The following UBAP2 variants were observed in gnomAD, a reference collection of about 807,000 sequenced individuals.
UBAP2 encodes the protein ubiquitin associated protein 2.
Under a neutral mutation model 139.6 loss-of-function variants are expected in UBAP2, and 75 were observed. The observed-to-expected ratio is 0.54, with a 90% CI of 0.45 to 0.65. UBAP2 has a LOEUF of 0.65. Ranked by LOEUF, UBAP2 falls within the 30% of genes least tolerant of loss-of-function variation. The pLI, the probability that UBAP2 is intolerant of heterozygous loss-of-function variation, is 0.00. For synonymous variants in UBAP2, 526 were observed against 526.2 expected (o/e 1.00, Z 0.01); for missense variants, 1,368 against 1,369.6 (o/e 1.00, Z 0.02).
intron 7 of UBAP2, among the ~76,000 whole-genome samples, chr9:33,971,981 AT>A (rs1182769177): frequency 6.6e-6 from 1 of 152,236 alleles, no homozygotes; most frequent in Non-Finnish European, 1.5e-5. Flanking sequence ...TTCTGGTATA[AT>A]AGCCTTATTT....
rs529434363 is a variant in UBAP2 at position 34,003,646 on chromosome 9, A to T, written c.100-4782T>A. On this transcript the variant is annotated intron_variant, in intron 2 of 28. Transcript: ENST00000379238. ...GGTCTTGAACTCCTGACCTTAAATG[A>T]CCCTCCTGCCTTGCCCTCCCAAAGT... Among the ~76,000 whole-genome samples, 9 of 151,674 alleles carry T rather than the reference A, an allele frequency of 5.9e-5. No individual in the cohort carries two copies. In the South Asian group the frequency reaches 1.9e-3, roughly 32 times the overall value.
At position 33,996,264 on chromosome 9, in the gene UBAP2, T is replaced by C. The variant is rs1215795503; in HGVS notation, c.247A>G (p.Asn83Asp). The C allele has an allele frequency of 6.2e-7, 1 of 1,613,744 alleles. No homozygotes were observed. The highest frequency in any genetic ancestry group is 8.5e-7 in the Non-Finnish European group (1 of 1,179,910). ...VALHDCNGDV[N>D]KAINILLEGN... ...TCCAGCAATATATTGATAGCTTTGT[T>C]CACATCTCCATTACAATCATGTAGG... Residue 83 changes from asparagine (N) to aspartate (D), a missense_variant, in exon 4 of 29, where the codon AAC becomes GAC. Coordinates refer to ENST00000379238, the MANE Select transcript of UBAP2 (RefSeq NM_001370062.2).
intron 1 of UBAP2, among the ~76,000 whole-genome samples, chr9:34,032,279 G>T (rs1020829213): frequency 1.3e-5 from 2 of 152,158 alleles, no homozygotes; most frequent in East Asian, 3.8e-4. Flanking sequence ...AAGGATGAAA[G>T]TAAGAACAAA....
chr9:33,962,329 C>G (rs1827110340), intron 9 of UBAP2, among the ~76,000 whole-genome samples: 1 of 152,104 alleles, frequency 6.6e-6, no homozygotes, highest in Non-Finnish European at 1.5e-5. Flanking sequence ...AATGGCCTAC[C>G]ATGGCAATTC....
In UBAP2 at chr9:34,000,750, C is replaced by CA. The variant is rs1489521477; in HGVS notation, c.100-1887dup. Among the ~76,000 whole-genome samples the CA allele has an allele frequency of 7.2e-5, 11 of 152,186 alleles. 1 individual carries two copies. Among genetic ancestry groups the CA allele is most frequent in the Non-Finnish European group, 4.4e-5 (3 of 68,028 alleles). On this transcript the variant is annotated intron_variant, in intron 2 of 28. Coordinates refer to ENST00000379238, the MANE Select transcript of UBAP2 (RefSeq NM_001370062.2). The stretch of plus-strand genomic sequence containing the variant: ...AAGTGGGATAAGTGGGAGTTGTTGA[C>CA]ATTTTTTGCATTTTAAAGCACTTTT...
intron 15 of UBAP2, among the ~76,000 whole-genome samples, chr9:33,942,727 C>CAAAAAAAA (rs544848249): frequency 2.4e-4 from 32 of 134,912 alleles, no homozygotes; most frequent in Non-Finnish European, 3.7e-4. Flanking sequence ...GACCCTATCT[C>CAAAAAAAA]AAAAAAAAAA....
intron 1 of UBAP2, among the ~76,000 whole-genome samples, chr9:34,047,875 G>C (rs1379145677): frequency 6.6e-6 from 1 of 152,220 alleles, no homozygotes; most frequent in Admixed American, 6.6e-5. Flanking sequence ...GCTGTAGAAA[G>C]ACAATAAGCC....
At chr9:33,990,637 A>AT (rs35851905) in intron 4 of UBAP2, among the ~76,000 whole-genome samples, 22,307 of 132,368 alleles carry the variant, frequency 0.17, 2,243 homozygotes, top group South Asian at 0.34. Flanking sequence ...GTACCCCCCA[A>AT]TTTTTTTTTT....
At chr9:33,998,383 G>A (rs1003469878) in intron 3 of UBAP2, 1 of 162,442 alleles carries the variant, frequency 6.2e-6, no homozygotes, top group African/African-American at 2.4e-5. Context: ...GGGCAACAGA[G>A]TGAGACCACG....
chr9:34,009,492 TCAAA>T (rs1221260681), intron 2 of UBAP2, among the ~76,000 whole-genome samples: 2 of 152,180 alleles, frequency 1.3e-5, no homozygotes, highest in African/African-American at 4.8e-5. Flanking sequence ...ACTCCAGAGC[TCAAA>T]CAATCCTCCC....
At chr9:33,962,734 C>T (rs1827164436) in intron 9 of UBAP2, among the ~76,000 whole-genome samples, 1 of 151,172 alleles carries the variant, frequency 6.6e-6, no homozygotes, top group Non-Finnish European at 1.5e-5. Context: ...TGCAGCATTT[C>T]GGGAGGCAGA....
intron 11 of UBAP2, among the ~76,000 whole-genome samples, chr9:33,953,992 T>C (rs1826322204): frequency 6.6e-6 from 1 of 152,036 alleles, no homozygotes; most frequent in Non-Finnish European, 1.5e-5. Context: ...CTGCAACCTC[T>C]GCCTCCCAGG....
intron 1 of UBAP2, among the ~76,000 whole-genome samples, chr9:34,042,477 CAAAA>C (rs10713651): frequency 3.8e-5 from 4 of 106,158 alleles, no homozygotes; most frequent in Admixed American, 1.0e-4. Flanking sequence ...GACTCCGTCT[CAAAA>C]AAAAAAAAAA....
At position 33,927,099 on chromosome 9, in the gene UBAP2, C is replaced by G. The variant is rs747073250; in HGVS notation, c.2372-19G>C. 1.3e-6 allele frequency: 2 copies of G among 1,586,156 alleles called. No individual in the cohort carries two copies. Among genetic ancestry groups the G allele is most frequent in the South Asian group, 1.1e-5 (1 of 87,866 alleles). On this transcript the variant is annotated intron_variant, in intron 20 of 28. Transcript: ENST00000379238. Reference sequence around the variant, plus strand: ...GCTTTGCCTGTATAGAGGGAAAAATCAAATGGAGTGAAATGGTCACCACAA... The same window carrying G: ...GCTTTGCCTGTATAGAGGGAAAAATGAAATGGAGTGAAATGGTCACCACAA...
intron 6 of UBAP2, among the ~76,000 whole-genome samples, chr9:33,981,972 C>T (rs1277566060): frequency 6.6e-6 from 1 of 152,134 alleles, no homozygotes; most frequent in Non-Finnish European, 1.5e-5. Flanking sequence ...CTCTGCTTTT[C>T]TCTTTCCTCT....
intron 11 of UBAP2, among the ~76,000 whole-genome samples, chr9:33,954,269 T>TACATACACACACACACAC (rs1554682976): frequency 1.4e-5 from 2 of 139,810 alleles, no homozygotes; most frequent in Admixed American, 1.4e-4. Context: ...TGTGTGTATA[T>TACATACACACACACACAC]ACACACACAC....
intron 2 of UBAP2, among the ~76,000 whole-genome samples, chr9:34,009,728 G>C (rs1400631670): frequency 6.6e-6 from 1 of 151,736 alleles, no homozygotes; most frequent in Non-Finnish European, 1.5e-5. Flanking sequence ...GACTACTGGA[G>C]TAAGCCACCA....
intron 1 of UBAP2, among the ~76,000 whole-genome samples, chr9:34,025,365 G>T (rs1173382275): frequency 6.6e-6 from 1 of 152,158 alleles, no homozygotes; most frequent in Non-Finnish European, 1.5e-5. Flanking sequence ...AAGAGCAAAA[G>T]ATTCTAAAAA....
rs57984537 is a variant in UBAP2 at position 33,955,181 on chromosome 9, CAA to C, written c.866+896_866+897del. Reference sequence around the variant, plus strand: ...ATACAATGTATTAAGTTCATTCTGTCAAAAAAAAAAAAAAACAGGTCTACAAA... The same window carrying C: ...ATACAATGTATTAAGTTCATTCTGTCAAAAAAAAAAAAACAGGTCTACAAA... On this transcript the variant is annotated intron_variant, in intron 11 of 28. Coordinates refer to ENST00000379238, the MANE Select transcript of UBAP2 (RefSeq NM_001370062.2). 2.0e-3 allele frequency among the ~76,000 whole-genome samples: 245 copies of C among 122,052 alleles called. 6 individuals carry two copies. Among genetic ancestry groups the C allele is most frequent in the South Asian group, 7.4e-4 (3 of 4,046 alleles). 80.1% of individuals were successfully genotyped at this position (122,052 alleles called of 152,430 possible). A position where few individuals can be genotyped will look rare whatever the true frequency, so the allele number is the denominator to read the frequency against.
Sources: gnomAD v4.1 joint callset for allele counts (sites outside exome capture counted in the v4.1 genomes callset) on GRCh38, gnomAD v4.1.1 for gene constraint, MANE v1.5 for transcripts, NCBI Gene and HGNC (gene_info 2026-07-23, HGNC 2026-07-21) for gene names.